The following ADAMTS6 variants were observed in gnomAD, a reference collection of about 807,000 sequenced individuals.
ADAMTS6 encodes ADAM metallopeptidase with thrombospondin type 1 motif 6.
Under a neutral mutation model 144.3 loss-of-function variants are expected in ADAMTS6, and 23 were observed. That is an observed-to-expected ratio of 0.16 (90% CI 0.11 to 0.23). ADAMTS6 has a LOEUF of 0.23. Ranked by LOEUF, ADAMTS6 falls within the 10% of genes least tolerant of loss-of-function variation. ADAMTS6 has a pLI of 1.00. For missense variants in ADAMTS6, 999 were observed against 1,379.6 expected (o/e 0.72, Z 4.37); for synonymous variants, 444 against 457.5 (o/e 0.97, Z 0.38).
At chr5:65,365,134 G>A (rs1043362540) in intron 7 of ADAMTS6, among the ~76,000 whole-genome samples, 7 of 152,064 alleles carry the variant, frequency 4.6e-5, no homozygotes, top group African/African-American at 1.7e-4. Context: ...GTGGCAGAAA[G>A]ACCACTGCAA....
intron 24 of ADAMTS6, among the ~76,000 whole-genome samples, chr5:65,164,434 G>A (rs1753016177): frequency 6.8e-6 from 1 of 147,690 alleles, no homozygotes; most frequent in Non-Finnish European, 1.5e-5. Flanking sequence ...CAAATTGCAA[G>A]GCGGCAGCGA....
chr5:65,229,352 T>C lies in ADAMTS6; in HGVS notation c.1934-3133A>G, dbSNP rs116422497. Among the ~76,000 whole-genome samples the C allele has an allele frequency of 1.9e-3, 292 of 152,200 alleles. 2 individuals carry two copies. Among genetic ancestry groups the C allele is most frequent in the African/African-American group, 6.7e-3 (278 of 41,546 alleles). The stretch of plus-strand genomic sequence containing the variant: ...TGGAAGCCAGTTAGTAAAGACTGCG[T>C]TCTCCACATGCAAAGACAGCAACAC... On this transcript the variant is annotated intron_variant, in intron 15 of 24. Coordinates refer to ENST00000381055, the MANE Select transcript of ADAMTS6 (RefSeq NM_197941.4).
intron 21 of ADAMTS6, among the ~76,000 whole-genome samples, chr5:65,196,153 G>C (rs1755329796): frequency 6.6e-6 from 1 of 152,094 alleles, no homozygotes; most frequent in African/African-American, 2.4e-5. Flanking sequence ...TCAGAATATA[G>C]GATGCCTTAC....
intron 7 of ADAMTS6, among the ~76,000 whole-genome samples, chr5:65,375,556 A>G (rs567420256): frequency 1.8e-4 from 27 of 152,252 alleles, no homozygotes; most frequent in East Asian, 9.6e-4. Flanking sequence ...CAAAACCACA[A>G]TGAGATACCA....
At chr5:65,194,441 G>C (rs141297300) in intron 21 of ADAMTS6, among the ~76,000 whole-genome samples, 1 of 152,162 alleles carries the variant, frequency 6.6e-6, no homozygotes, top group Admixed American at 6.5e-5. Context: ...CAATGGTAGT[G>C]TTCTGAGCAC....
At chr5:65,230,076 G>A (rs1758029531) in intron 15 of ADAMTS6, among the ~76,000 whole-genome samples, 1 of 151,738 alleles carries the variant, frequency 6.6e-6, no homozygotes, top group African/African-American at 2.4e-5. Context: ...AATCCCTGCT[G>A]GCCAGAAGAG....
At chr5:65,347,519 TA>T (rs1748444862) in intron 7 of ADAMTS6, among the ~76,000 whole-genome samples, 1 of 151,948 alleles carries the variant, frequency 6.6e-6, no homozygotes, top group Admixed American at 6.6e-5. Context: ...ATTAAAGGCT[TA>T]AACATAAGAC....
intron 23 of ADAMTS6, among the ~76,000 whole-genome samples, chr5:65,170,983 C>T (rs962498395): frequency 2.6e-5 from 4 of 151,802 alleles, no homozygotes; most frequent in African/African-American, 4.8e-5. Context: ...GGATTACAGG[C>T]ATGAGCCACC....
chr5:65,391,447 C>G (rs951943635), intron 7 of ADAMTS6, among the ~76,000 whole-genome samples: 3 of 139,052 alleles, frequency 2.2e-5, no homozygotes, highest in Admixed American at 1.5e-4. Context: ...CACACACACA[C>G]ACACTTTTTT....
chr5:65,395,483 C>A (rs963210430), intron 7 of ADAMTS6, among the ~76,000 whole-genome samples: 1 of 152,182 alleles, frequency 6.6e-6, no homozygotes, highest in African/African-American at 2.4e-5. Context: ...AAATGGAATT[C>A]TCATTTGGTG....
chr5:65,350,547 T>C (rs1299226703), intron 7 of ADAMTS6, among the ~76,000 whole-genome samples: 1 of 152,210 alleles, frequency 6.6e-6, no homozygotes, highest in Non-Finnish European at 1.5e-5. Flanking sequence ...TCGAGTTTCC[T>C]ACATTTTTTA....
At chr5:65,432,829 C>T (rs1336971675) in intron 7 of ADAMTS6, among the ~76,000 whole-genome samples, 1 of 152,082 alleles carries the variant, frequency 6.6e-6, no homozygotes, top group Non-Finnish European at 1.5e-5. Flanking sequence ...TTCTTTTCCT[C>T]AAACCCAGTA....
intron 15 of ADAMTS6, among the ~76,000 whole-genome samples, chr5:65,237,948 A>G (rs1485678228): frequency 1.3e-5 from 2 of 151,958 alleles, no homozygotes; most frequent in Non-Finnish European, 2.9e-5. Context: ...TTAGCCAGGC[A>G]TGGTGGCACA....
chr5:65,176,411 T>C (rs1187800103), intron 22 of ADAMTS6, among the ~76,000 whole-genome samples: 2 of 152,216 alleles, frequency 1.3e-5, no homozygotes, highest in African/African-American at 4.8e-5. Context: ...GTAAAAGGAT[T>C]ATAAGGAGGC....
At chr5:65,455,282 C>T (rs146591873) in intron 4 of ADAMTS6, among the ~76,000 whole-genome samples, 1 of 152,320 alleles carries the variant, frequency 6.6e-6, no homozygotes, top group Non-Finnish European at 1.5e-5. Context: ...ATGGCTCACG[C>T]CCGTAATCCC....
At chr5:65,481,254 T>G (rs1019136081) in intron 1 of ADAMTS6, 89 bp downstream of exon 1, 5 of 150,430 alleles carry the variant, frequency 3.3e-5, no homozygotes, top group African/African-American at 1.2e-4. Context: ...GAAAAAAAGT[T>G]TTCTAAGCGT....
intron 20 of ADAMTS6, among the ~76,000 whole-genome samples, chr5:65,206,091 T>C (rs974656097): frequency 1.3e-5 from 2 of 152,172 alleles, no homozygotes; most frequent in Non-Finnish European, 2.9e-5. Context: ...ACATTTTTAA[T>C]CCAACTTTAA....
chr5:65,396,921 CT>C (rs1257684477), intron 7 of ADAMTS6, among the ~76,000 whole-genome samples: 11 of 152,180 alleles, frequency 7.2e-5, no homozygotes, highest in African/African-American at 2.7e-4. Context: ...AGTATAATTT[CT>C]TTTGTAAATA....
At chr5:65,229,290 A>C (rs982590086) in intron 15 of ADAMTS6, among the ~76,000 whole-genome samples, 9 of 152,194 alleles carry the variant, frequency 5.9e-5, no homozygotes, top group Admixed American at 3.9e-4. Context: ...GAGCCTCAGA[A>C]TCTTTAACTG....
Sources: gnomAD v4.1 joint callset for allele counts (sites outside exome capture counted in the v4.1 genomes callset) on GRCh38, gnomAD v4.1.1 for gene constraint, MANE v1.5 for transcripts, NCBI Gene and HGNC (gene_info 2026-07-23, HGNC 2026-07-21) for gene names.